Variants in NAALADL2 observed in about 807,000 individuals in gnomAD.
The protein encoded by NAALADL2 is inactive N-acetylated-alpha-linked acidic dipeptidase-like protein 2.
A neutral mutation model predicts 87.2 loss-of-function variants in NAALADL2; 76 were observed. That is an observed-to-expected ratio of 0.87 (90% CI 0.72 to 1.05). The LOEUF is 1.05. Ranked by LOEUF, NAALADL2 falls within the 50% of genes least tolerant of loss-of-function variation. NAALADL2 has a pLI of 0.00. For synonymous variants in NAALADL2, 354 were observed against 331.0 expected (o/e 1.07, Z -0.75); for missense variants, 1,089 against 945.8 (o/e 1.15, Z -1.99).
chr3:174,884,720 C>T (rs973045332), intron 1 of NAALADL2, among the ~76,000 whole-genome samples: 2 of 152,138 alleles, frequency 1.3e-5, no homozygotes, highest in African/African-American at 4.8e-5. Context: ...AACCATTATC[C>T]CACACCCTTA....
At chr3:175,792,422 C>T (rs778317645) in intron 13 of NAALADL2, among the ~76,000 whole-genome samples, 1 of 152,128 alleles carries the variant, frequency 6.6e-6, no homozygotes, top group Non-Finnish European at 1.5e-5. Flanking sequence ...TTTGTACTTA[C>T]TTTTCATTCT....
intron 1 of NAALADL2, among the ~76,000 whole-genome samples, chr3:174,879,032 T>TA (rs202175409): frequency 0.12 from 17,820 of 152,052 alleles, 1,157 homozygotes; most frequent in Middle Eastern, 0.15. Flanking sequence ...AAGAAAAAAT[T>TA]TATAGCTTTT....
In NAALADL2 at chr3:175,347,372, C is replaced by A. The variant is rs534453085; in HGVS notation, c.1090+23047C>A. 3.3e-5 allele frequency among the ~76,000 whole-genome samples: 5 copies of A among 152,222 alleles called. No individual in the cohort carries two copies. The South Asian group carries it at 8.3e-4, about 25-fold the overall frequency. ...AAATTGACTATTGACTATGCACTTA[C>A]ATAGGGTATTTAAAACTAAATATAC... On this transcript the variant is annotated intron_variant, in intron 5 of 13. Transcript: ENST00000454872.
At chr3:175,508,799 TG>T (rs1354006430) in intron 9 of NAALADL2, among the ~76,000 whole-genome samples, 1 of 152,086 alleles carries the variant, frequency 6.6e-6, no homozygotes, top group African/African-American at 2.4e-5. Flanking sequence ...GAAAGTTTTT[TG>T]AATATTCACA....
chr3:175,794,407 T>TATC (rs1347740068), intron 13 of NAALADL2, among the ~76,000 whole-genome samples: 1 of 152,116 alleles, frequency 6.6e-6, no homozygotes, highest in Non-Finnish European at 1.5e-5. Context: ...TAGTCAACTG[T>TATC]ATCACTGTCT....
At chr3:175,282,744 G>A (rs1444831863) in intron 4 of NAALADL2, among the ~76,000 whole-genome samples, 2 of 152,006 alleles carry the variant, frequency 1.3e-5, no homozygotes, top group Admixed American at 6.6e-5. Flanking sequence ...AGTAGTTGGA[G>A]GGGGCAGGGA....
intron 6 of NAALADL2, among the ~76,000 whole-genome samples, chr3:175,453,603 A>G (rs1581951250): frequency 6.6e-6 from 1 of 152,280 alleles, no homozygotes; most frequent in Admixed American, 6.5e-5. Context: ...TCTTCCGAGA[A>G]TATCATAAGC....
intron 2 of NAALADL2, among the ~76,000 whole-genome samples, chr3:174,717,401 G>A (rs552896362): frequency 6.6e-6 from 1 of 152,120 alleles, no homozygotes; most frequent in Non-Finnish European, 1.5e-5. Flanking sequence ...AAATAGGAGG[G>A]AAAAATGTCA....
Position 174,468,983 on chromosome 3 carries a change from G to A in NAALADL2, c.-184+27951G>A, listed in dbSNP as rs139666803. 4.9e-3 allele frequency among the ~76,000 whole-genome samples: 737 copies of A among 151,596 alleles called. 5 individuals are homozygous for A. Among genetic ancestry groups the A allele is most frequent in the East Asian group, 0.031 (157 of 5,060 alleles). On this transcript the variant is annotated intron_variant, in intron 1 of 3. Coordinates refer to the NAALADL2 transcript ENST00000434257. ...TCACCATGTTGGCCAGGCTGGTTTC[G>A]AAGTCCTGATCTCAGGTGATCCGCC...
Position 174,819,043 on chromosome 3 carries a change from A to T in NAALADL2, c.-9+81297A>T, listed in dbSNP as rs1416281142. ...TTGATATAAAATTTTGAATTTCTTT[A>T]TTATACCATTTATTCTTTTTTTTTT... On this transcript the variant is annotated intron_variant, in intron 3 of 3. Coordinates refer to the NAALADL2 transcript ENST00000434257. 7.2e-4 allele frequency among the ~76,000 whole-genome samples: 72 copies of T among 99,698 alleles called. 1 individual carries two copies. The highest frequency in any genetic ancestry group is 2.3e-3 in the African/African-American group (67 of 29,258). The allele number at this position is 99,698 out of a possible 152,430, so 65.4% of individuals were successfully genotyped here. A position where few individuals can be genotyped will look rare whatever the true frequency, so the allele number is the denominator to read the frequency against.
At chr3:175,011,395 T>A (rs1749804481) in intron 1 of NAALADL2, among the ~76,000 whole-genome samples, 1 of 152,138 alleles carries the variant, frequency 6.6e-6, no homozygotes, top group African/African-American at 2.4e-5. Flanking sequence ...AGCTTGTTGG[T>A]CACTGGACCA....
At chr3:174,512,767 T>C (rs1719683297) in intron 1 of NAALADL2, among the ~76,000 whole-genome samples, 1 of 152,104 alleles carries the variant, frequency 6.6e-6, no homozygotes, top group African/African-American at 2.4e-5. Flanking sequence ...ATTGATCTTC[T>C]TGTTTCCCTT....
intron 1 of NAALADL2, among the ~76,000 whole-genome samples, chr3:174,936,559 T>C (rs555248059): frequency 1.9e-4 from 29 of 152,236 alleles, no homozygotes; most frequent in African/African-American, 6.7e-4. Flanking sequence ...GGTTCTGTAG[T>C]GAAGGCCCAT....
chr3:175,128,126 T>G (rs564410741), intron 2 of NAALADL2, among the ~76,000 whole-genome samples: 3 of 152,260 alleles, frequency 2.0e-5, no homozygotes, highest in African/African-American at 7.2e-5. Flanking sequence ...TCAAGATTTC[T>G]CTCCTGGAAG....
chr3:174,712,806 T>C (rs1268582561), intron 2 of NAALADL2, among the ~76,000 whole-genome samples: 2 of 152,120 alleles, frequency 1.3e-5, no homozygotes, highest in South Asian at 4.1e-4. Flanking sequence ...TTTATATTTA[T>C]TTATTTTTAA....
At chr3:175,124,865 G>T (rs1487155645) in intron 2 of NAALADL2, among the ~76,000 whole-genome samples, 1 of 151,966 alleles carries the variant, frequency 6.6e-6, no homozygotes, top group Non-Finnish European at 1.5e-5. Flanking sequence ...GGAACTTAAA[G>T]GTTAATAGAA....
chr3:175,099,080 C>G lies in NAALADL2; in HGVS notation c.545+1789C>G, dbSNP rs943322921. Among the ~76,000 whole-genome samples, 12 of 152,106 alleles carry G rather than the reference C, an allele frequency of 7.9e-5. No homozygotes were observed. In the East Asian group the frequency reaches 2.3e-3, roughly 29 times the overall value. On this transcript the variant is annotated intron_variant, in intron 2 of 13. Coordinates refer to ENST00000454872, the MANE Select transcript of NAALADL2 (RefSeq NM_207015.3). ...AAACTAAGCTACATATTTATTTTCC[C>G]TCCTTATATAACTTTGGCTTTCTTT...
chr3:174,790,320 T>C (rs1192417707), intron 3 of NAALADL2, among the ~76,000 whole-genome samples: 1 of 152,184 alleles, frequency 6.6e-6, no homozygotes, highest in Non-Finnish European at 1.5e-5. Flanking sequence ...TTCCCTCCTT[T>C]CCATTACATG....
intron 10 of NAALADL2, among the ~76,000 whole-genome samples, chr3:175,617,667 ATC>A (rs1725535248): frequency 6.6e-6 from 1 of 152,148 alleles, no homozygotes; most frequent in South Asian, 2.1e-4. Context: ...TCAGAGCACT[ATC>A]TGGTCCTATG....
Sources: allele counts gnomAD v4.1 joint callset (sites outside exome capture counted in the v4.1 genomes callset), GRCh38; gene constraint gnomAD v4.1.1; transcripts MANE v1.5; gene names NCBI Gene and HGNC (gene_info 2026-07-23, HGNC 2026-07-21).